The following MFF variants were observed in gnomAD, a reference collection of about 807,000 sequenced individuals.
The protein encoded by MFF is mitochondrial fission factor.
In MFF, 12 loss-of-function variants were observed where a neutral mutation model predicts 36.9. That is an observed-to-expected ratio of 0.33 (90% CI 0.21 to 0.53). The LOEUF (loss-of-function observed/expected upper bound fraction) is 0.53, where lower values mean the gene tolerates loss of function less well. Ranked by LOEUF, MFF falls within the 20% of genes least tolerant of loss-of-function variation. MFF has a pLI of 0.95. For synonymous variants in MFF, 99 were observed against 126.2 expected (o/e 0.78, Z 1.44); for missense variants, 348 against 366.6 (o/e 0.95, Z 0.42).
In MFF at chr2:227,357,800, A is replaced by G. The variant is rs2076325231; in HGVS notation, c.*683A>G. 6.6e-6 allele frequency: 1 copy of G among 152,262 alleles called. No individual in the cohort carries two copies. The highest frequency in any genetic ancestry group is 1.5e-5 in the Non-Finnish European group (1 of 68,040). The allele number at this position is 152,262 out of a possible 1,614,324, so 9.4% of individuals were successfully genotyped here. A position where few individuals can be genotyped will look rare whatever the true frequency, so the allele number is the denominator to read the frequency against. On this transcript the variant is annotated 3_prime_UTR_variant, in exon 9 of 9. Transcript: ENST00000304593. The stretch of plus-strand genomic sequence containing the variant: ...TAAAAAACGACAGAATAAGGTACAA[A>G]TGTAGTGTATTTAATAAACTGTCAA...
At chr2:227,340,856 G>A (rs537255005) in intron 5 of MFF, among the ~76,000 whole-genome samples, 15 of 152,244 alleles carry the variant, frequency 9.9e-5, no homozygotes, top group African/African-American at 3.4e-4. Flanking sequence ...GCTACCACAA[G>A]ATTATTAATG....
intron 4 of MFF, among the ~76,000 whole-genome samples, chr2:227,337,823 T>C (rs1047846033): frequency 6.6e-6 from 1 of 152,018 alleles, no homozygotes; most frequent in Non-Finnish European, 1.5e-5. Context: ...CCGAAGTGGG[T>C]GGATCTCTTG....
At chr2:227,331,307 G>A (rs1165951242) in intron 3 of MFF, among the ~76,000 whole-genome samples, 1 of 152,060 alleles carries the variant, frequency 6.6e-6, no homozygotes, top group East Asian at 1.9e-4. Flanking sequence ...GTCTTCTTTT[G>A]TTCAGTGTAA....
chr2:227,356,548 C>T (rs1212103194), intron 8 of MFF, among the ~76,000 whole-genome samples: 1 of 151,956 alleles, frequency 6.6e-6, no homozygotes, highest in Non-Finnish European at 1.5e-5. Context: ...ACAGAGAAGG[C>T]GGTTATGCCA....
intron 4 of MFF, among the ~76,000 whole-genome samples, chr2:227,332,991 G>C (rs1351275601): frequency 6.6e-6 from 1 of 152,198 alleles, no homozygotes; most frequent in African/African-American, 2.4e-5. Context: ...CTCGCTACTT[G>C]ATTAAAAGTT....
At chr2:227,333,027 C>T (rs1473377187) in intron 4 of MFF, among the ~76,000 whole-genome samples, 1 of 152,230 alleles carries the variant, frequency 6.6e-6, no homozygotes, top group Admixed American at 6.5e-5. Context: ...TACTGCATCA[C>T]GTTAATGTGC....
At chr2:227,329,239 A>G (rs2074394466) in intron 2 of MFF, 1 of 153,354 alleles carries the variant, frequency 6.5e-6, no homozygotes, top group Non-Finnish European at 1.5e-5. Flanking sequence ...TATTCCCTTC[A>G]TGATTTATTC....
chr2:227,326,440 C>T (rs1277917599), intron 1 of MFF, among the ~76,000 whole-genome samples: 1 of 152,106 alleles, frequency 6.6e-6, no homozygotes, highest in Non-Finnish European at 1.5e-5. Flanking sequence ...GTAGTCTTTT[C>T]CCATGCAATT....
At chr2:227,352,157 ATT>A in intron 6 of MFF, 2 of 187,142 alleles carry the variant, frequency 1.1e-5, no homozygotes, top group Admixed American at 5.8e-5. Flanking sequence ...GGTGCTAGTG[ATT>A]TTTTTTTTCC....
chr2:227,329,737 T>A (rs761544057), intron 2 of MFF: 1 of 1,549,112 alleles, frequency 6.5e-7, no homozygotes, highest in Non-Finnish European at 8.9e-7. Flanking sequence ...CTGTATTTAC[T>A]GTATTTAAAT....
At chr2:227,348,119 A>T (rs912407360) in intron 6 of MFF, among the ~76,000 whole-genome samples, 1 of 152,194 alleles carries the variant, frequency 6.6e-6, no homozygotes, top group African/African-American at 2.4e-5. Context: ...TTCAACTCTG[A>T]ACATTTATCT....
chr2:227,353,375 T>C (rs533678139), intron 7 of MFF, among the ~76,000 whole-genome samples: 12 of 152,332 alleles, frequency 7.9e-5, no homozygotes, highest in African/African-American at 2.9e-4. Context: ...GATTTAAAAC[T>C]GGCAGCATCG....
intron 4 of MFF, among the ~76,000 whole-genome samples, chr2:227,332,964 G>T (rs975468321): frequency 1.3e-5 from 2 of 151,938 alleles, no homozygotes; most frequent in South Asian, 2.1e-4. Flanking sequence ...ACCCTTTTTC[G>T]CTTGACACTA....
chr2:227,332,375 C>G (rs780937331), intron 3 of MFF, 44 bp from the exon 4 acceptor site: 3 of 1,462,986 alleles, frequency 2.1e-6, no homozygotes, highest in Non-Finnish European at 2.8e-6. Context: ...TTTAAAAAAC[C>G]TCCCGCTTTT....
intron 5 of MFF, among the ~76,000 whole-genome samples, chr2:227,345,683 A>ATTTG (rs548133909): frequency 1.3e-5 from 2 of 151,766 alleles, no homozygotes; most frequent in African/African-American, 2.4e-5. Flanking sequence ...TGTTTTTTTT[A>ATTTG]TTTGTTTGTT....
rs773233850 is a variant in MFF at position 227,342,848 on chromosome 2, A to G, written c.440+2468A>G. ...AGATTTTATCTGCTCTGCTTTTGAC[A>G]AGTAGTTGTTTTGATTTTGAAGGAT... On this transcript the variant is annotated intron_variant, in intron 5 of 8. Coordinates refer to ENST00000304593, the MANE Select transcript of MFF (RefSeq NM_001277062.2). The G allele has an allele frequency of 8.2e-6, 13 of 1,584,140 alleles. No homozygotes were observed. The South Asian group carries it at 1.1e-4, about 14-fold the overall frequency.
At chr2:227,354,727 G>A (rs1299184046) in intron 7 of MFF, among the ~76,000 whole-genome samples, 1 of 150,762 alleles carries the variant, frequency 6.6e-6, no homozygotes, top group Admixed American at 6.6e-5. Flanking sequence ...TGTCTTAATG[G>A]TTTTTCAGTA....
intron 6 of MFF, among the ~76,000 whole-genome samples, chr2:227,350,647 T>C (rs1455645475): frequency 6.6e-6 from 1 of 152,136 alleles, no homozygotes; most frequent in Admixed American, 6.6e-5. Context: ...TAATTCCTGA[T>C]CCCCAATTAA....
chr2:227,352,544 C>A lies in MFF; in HGVS notation c.630C>A (p.Ala210=), dbSNP rs140009845. The A allele has an allele frequency of 8.2e-3, 13,304 of 1,613,630 alleles. 171 individuals carry two copies. Among genetic ancestry groups the A allele is most frequent in the South Asian group, 0.044 (3,981 of 90,962 alleles). The change falls in exon 7 of 9, where the codon GCC becomes GCA. Residue 210 remains alanine, a synonymous_variant. Transcript: ENST00000304593. ...TGTTGCGTGGTGGGTCTGCTGCCGC[C>A]ACTTCTAATCCTCATCATGACAACG... ...RPVLRGGSAA[A]TSNPHHDNVR...
Sources: gnomAD v4.1 joint callset for allele counts (sites outside exome capture counted in the v4.1 genomes callset) on GRCh38, gnomAD v4.1.1 for gene constraint, MANE v1.5 for transcripts, NCBI Gene and HGNC (gene_info 2026-07-23, HGNC 2026-07-21) for gene names.